DTNB: variants seen among roughly 807,000 people sequenced by gnomAD.
DTNB encodes the protein dystrobrevin beta.
A neutral mutation model predicts 90.7 loss-of-function variants in DTNB; 63 were observed. The ratio of observed to expected loss-of-function variants is 0.69; its 90% CI spans 0.57 to 0.86. DTNB has a LOEUF of 0.86. DTNB is among the 40% of genes least tolerant of loss of function. The pLI is 0.00. For synonymous variants in DTNB, 277 were observed against 286.7 expected (o/e 0.97, Z 0.34); for missense variants, 744 against 807.1 (o/e 0.92, Z 0.95).
chr2:25,591,400 C>T (rs370213409), intron 6 of DTNB, among the ~76,000 whole-genome samples: 9 of 152,198 alleles, frequency 5.9e-5, no homozygotes, highest in African/African-American at 1.7e-4. Context: ...CAGCCAGCAT[C>T]GTGGCAGTGG....
At chr2:25,627,347 G>T (rs1297447767) in intron 4 of DTNB, among the ~76,000 whole-genome samples, 1 of 152,030 alleles carries the variant, frequency 6.6e-6, no homozygotes, top group African/African-American at 2.4e-5. Context: ...GGGGGGTGGA[G>T]GTAGTGGTGA....
intron 8 of DTNB, among the ~76,000 whole-genome samples, chr2:25,558,696 T>C (rs1011793647): frequency 2.0e-5 from 3 of 152,228 alleles, no homozygotes; most frequent in Non-Finnish European, 2.9e-5. Flanking sequence ...TTTTTGCAGC[T>C]GTAAGTGGTT....
intron 8 of DTNB, among the ~76,000 whole-genome samples, chr2:25,546,606 T>G (rs2082474973): frequency 6.6e-6 from 1 of 152,224 alleles, no homozygotes; most frequent in Non-Finnish European, 1.5e-5. Context: ...TGGGGCTAAA[T>G]CCAGTATCCA....
In DTNB at chr2:25,399,922, G is replaced by A. The variant is rs79367540; in HGVS notation, c.1576-11561C>T. Among the ~76,000 whole-genome samples, 12 of 127,246 alleles carry A rather than the reference G, an allele frequency of 9.4e-5. No individual in the cohort carries two copies. In the East Asian group the frequency reaches 3.2e-3, roughly 34 times the overall value. 83.5% of individuals were successfully genotyped at this position (127,246 alleles called of 152,430 possible). ...TGGCAAGAACCAACACTTTGCTTCA[G>A]TTCTGACCATTCTGTCAGTGAGGAA... On this transcript the variant is annotated intron_variant, in intron 16 of 20. Coordinates refer to ENST00000406818, the MANE Select transcript of DTNB (RefSeq NM_021907.5).
chr2:25,558,052 G>A, intron 8 of DTNB: 3 of 265,348 alleles, frequency 1.1e-5, no homozygotes, highest in Non-Finnish European at 1.7e-5. Context: ...AAAACATTCA[G>A]AAAGAAGGTG....
intron 4 of DTNB, among the ~76,000 whole-genome samples, chr2:25,609,015 G>A (rs951745398): frequency 6.6e-6 from 1 of 152,178 alleles, no homozygotes; most frequent in East Asian, 1.9e-4. Context: ...CCAGAGCCCA[G>A]CATCAGTGGT....
In DTNB at chr2:25,579,523, AC is replaced by A. The variant is rs575694203; in HGVS notation, c.709+1197del. Among the ~76,000 whole-genome samples the A allele has an allele frequency of 7.9e-5, 12 of 152,356 alleles. No individual in the cohort carries two copies. In the South Asian group the frequency reaches 2.5e-3, roughly 32 times the overall value. On this transcript the variant is annotated intron_variant, in intron 7 of 20. Coordinates refer to ENST00000406818, the MANE Select transcript of DTNB (RefSeq NM_021907.5). Reference sequence around the variant, plus strand: ...GGAGAGAGGGAAGGTTACTAGAAACACAATGGCCTTCCCCTTAACAAACTCC... The same window carrying A: ...GGAGAGAGGGAAGGTTACTAGAAACAAATGGCCTTCCCCTTAACAAACTCC...
rs1010168892 is a variant in DTNB at position 25,639,163 on chromosome 2, C to T, written c.68-69G>A. 9.0e-5 allele frequency: 130 copies of T among 1,445,758 alleles called. 4 individuals carry two copies. In the Admixed American group the frequency reaches 2.6e-3, roughly 29 times the overall value. The allele number at this position is 1,445,758 out of a possible 1,614,324, so 89.6% of individuals were successfully genotyped here. On this transcript the variant is annotated intron_variant, in intron 2 of 20. Transcript: ENST00000406818. Reference sequence around the variant, plus strand: ...AGTTTCCAAACGCTAGGAAATGACTCCATTCTATTGTATTGTCATAGTATA... The same window carrying T: ...AGTTTCCAAACGCTAGGAAATGACTTCATTCTATTGTATTGTCATAGTATA...
At chr2:25,658,273 A>G (rs2082468524) in intron 1 of DTNB, among the ~76,000 whole-genome samples, 1 of 148,966 alleles carries the variant, frequency 6.7e-6, no homozygotes, top group Admixed American at 6.7e-5. Context: ...AAAAAAAAAG[A>G]AAAAAAAATG....
At chr2:25,633,638 T>C (rs1321425940) in intron 3 of DTNB, among the ~76,000 whole-genome samples, 2 of 148,218 alleles carry the variant, frequency 1.3e-5, no homozygotes, top group Non-Finnish European at 3.0e-5. Flanking sequence ...GTCTGGGATG[T>C]GAGGAGCCCC....
At chr2:25,405,108 T>G (rs2149679214) in intron 16 of DTNB, among the ~76,000 whole-genome samples, 1 of 152,112 alleles carries the variant, frequency 6.6e-6, no homozygotes, top group Non-Finnish European at 1.5e-5. Flanking sequence ...CTGTATTTTT[T>G]GTAGAGATGA....
chr2:25,526,393 ATAT>A (rs1358116011), intron 9 of DTNB, among the ~76,000 whole-genome samples: 5,598 of 59,040 alleles, frequency 0.095, 124 homozygotes, highest in South Asian at 0.14. Flanking sequence ...ATATATATAT[ATAT>A]TTTTTTTTTT....
chr2:25,660,589 T>C (rs2082962676), intron 1 of DTNB, among the ~76,000 whole-genome samples: 1 of 152,180 alleles, frequency 6.6e-6, no homozygotes, highest in Non-Finnish European at 1.5e-5. Context: ...GTGGATTATA[T>C]CTCAAATAAG....
In DTNB at chr2:25,387,472, C is replaced by A; in HGVS notation, c.1736-94G>T. On this transcript the variant is annotated intron_variant, in intron 17 of 20. Transcript: ENST00000406818. The surrounding 1 kb of genome is among the most constrained non-coding windows in gnomAD (Gnocchi z 4.5). ...GCCTCAGTTCTGCCAGGCCCGAGAA[C>A]ACAGGTGTGGAACACCTAAGGGGAG... 8.2e-7 allele frequency: 1 copy of A among 1,222,284 alleles called. No homozygotes were observed. The highest frequency in any genetic ancestry group is 1.2e-6 in the Non-Finnish European group (1 of 856,226). 75.7% of individuals were successfully genotyped at this position (1,222,284 alleles called of 1,614,324 possible).
intron 10 of DTNB, among the ~76,000 whole-genome samples, chr2:25,462,555 CATAAG>C (rs2061133797): frequency 6.6e-6 from 1 of 152,160 alleles, no homozygotes; most frequent in South Asian, 2.1e-4. Flanking sequence ...AAATCTACCT[CATAAG>C]ATATTTATTT....
intron 12 of DTNB, among the ~76,000 whole-genome samples, chr2:25,434,399 CTTT>C (rs1179596539): frequency 1.0e-5 from 1 of 95,500 alleles, no homozygotes. Flanking sequence ...ATGAACTAGT[CTTT>C]TTTTTTTTTT....
intron 8 of DTNB, among the ~76,000 whole-genome samples, chr2:25,569,394 A>C (rs2059498498): frequency 6.6e-6 from 1 of 152,186 alleles, no homozygotes; most frequent in Non-Finnish European, 1.5e-5. Flanking sequence ...TTGAATACAA[A>C]AATTAATATT....
intron 14 of DTNB, among the ~76,000 whole-genome samples, chr2:25,431,491 T>C (rs1423388443): frequency 6.6e-6 from 1 of 152,206 alleles, no homozygotes; most frequent in African/African-American, 2.4e-5. Flanking sequence ...ATATAGGAAC[T>C]GCTTTTGAGG....
chr2:25,481,908 T>C (rs1164463417), intron 10 of DTNB: 2 of 152,240 alleles, frequency 1.3e-5, no homozygotes, highest in Non-Finnish European at 2.9e-5. Context: ...TTTTAGCCAA[T>C]GGGAACAAAC....
Sources: gnomAD v4.1 joint callset for allele counts (sites outside exome capture counted in the v4.1 genomes callset) on GRCh38, gnomAD v4.1.1 for gene constraint, Gnocchi (gnomAD v3.1) non-coding constraint, MANE v1.5 for transcripts, NCBI Gene and HGNC (gene_info 2026-07-23, HGNC 2026-07-21) for gene names.